Variants in CHST8 observed in about 807,000 individuals in gnomAD.
CHST8 encodes GALNAC-4-ST1.
A neutral mutation model predicts 15.0 loss-of-function variants in CHST8; 10 were observed. The observed-to-expected ratio is 0.67, with a 90% confidence interval of 0.41 to 1.13. The LOEUF (loss-of-function observed/expected upper bound fraction) is 1.13. CHST8 is among the 50% of genes most tolerant of loss of function. CHST8 has a pLI of 0.00. For synonymous variants in CHST8, 259 were observed against 256.6 expected, an observed-to-expected ratio of 1.01 and a Z score of -0.09; for missense variants, 634 against 608.2, an observed-to-expected ratio of 1.04 and a Z score of -0.45.
chr19:33,738,769 T>C (rs1244027871), intron 3 of CHST8, among the ~76,000 whole-genome samples: 1 of 152,120 alleles, frequency 6.6e-6, no homozygotes, highest in Non-Finnish European at 1.5e-5. Context: ...TTTGTACTTT[T>C]AGTAGAGATG....
At chr19:33,710,319 T>G (rs1973523806) in intron 3 of CHST8, among the ~76,000 whole-genome samples, 1 of 152,246 alleles carries the variant, frequency 6.6e-6, no homozygotes, top group Non-Finnish European at 1.5e-5. Context: ...GTTGTTTTCC[T>G]GCTTTGTATT....
chr19:33,700,573 C>T (rs888873118), intron 3 of CHST8, among the ~76,000 whole-genome samples: 3 of 152,026 alleles, frequency 2.0e-5, no homozygotes, highest in African/African-American at 7.3e-5. Flanking sequence ...GCACCAGGCT[C>T]TCCGCTCAGG....
At position 33,661,079 on chromosome 19, in the gene CHST8, G is replaced by A. The variant is rs73926575; in HGVS notation, c.-163-6688G>A. Among the ~76,000 whole-genome samples the A allele has an allele frequency of 9.1e-3, 1,381 of 152,206 alleles. 14 individuals carry two copies. Among genetic ancestry groups the A allele is most frequent in the African/African-American group, 0.031 (1,296 of 41,506 alleles). On this transcript the variant is annotated intron_variant, in intron 1 of 4. Transcript: ENST00000650847. ...GGCACGGGGACTTGGTGCACTGACC[G>A]GCTTGTTGACATGCCCAGCACTGGG...
chr19:33,676,356 G>T (rs1011981116), intron 2 of CHST8, among the ~76,000 whole-genome samples: 1 of 152,152 alleles, frequency 6.6e-6, no homozygotes, highest in Non-Finnish European at 1.5e-5. Flanking sequence ...GATCGCTTGA[G>T]GCCAGCAGTT....
chr19:33,767,680 T>G (rs1974879366), intron 3 of CHST8, among the ~76,000 whole-genome samples: 1 of 152,222 alleles, frequency 6.6e-6, no homozygotes, highest in Non-Finnish European at 1.5e-5. Flanking sequence ...GGAGCTCCCT[T>G]ACAGATTGTG....
At chr19:33,749,327 T>C (rs1568354307) in intron 3 of CHST8, among the ~76,000 whole-genome samples, 1 of 152,150 alleles carries the variant, frequency 6.6e-6, no homozygotes, top group Admixed American at 6.5e-5. Context: ...CACAGCTTCA[T>C]CAGTGTCAAG....
chr19:33,661,767 A>G (rs1972587967), intron 1 of CHST8, among the ~76,000 whole-genome samples: 1 of 151,374 alleles, frequency 6.6e-6, no homozygotes, highest in South Asian at 2.1e-4. Context: ...ACGATGGCTC[A>G]TGCCTTTAAT....
intron 3 of CHST8, among the ~76,000 whole-genome samples, chr19:33,746,537 C>G (rs1974315785): frequency 6.6e-6 from 1 of 152,222 alleles, no homozygotes; most frequent in African/African-American, 2.4e-5. Context: ...TGGTGTTTTT[C>G]TTACAGGCAA....
intron 2 of CHST8, among the ~76,000 whole-genome samples, chr19:33,674,362 G>A (rs1387195726): frequency 6.6e-6 from 1 of 152,228 alleles, no homozygotes; most frequent in Admixed American, 6.5e-5. Flanking sequence ...TGGGGGAGGG[G>A]CTGGGTCCCA....
At chr19:33,688,890 GTTCCCAACTGGGC>G (rs1973038726) in intron 2 of CHST8, among the ~76,000 whole-genome samples, 2 of 152,242 alleles carry the variant, frequency 1.3e-5, no homozygotes, top group South Asian at 4.1e-4. Context: ...GGGCCTGGAG[GTTCCCAACTGGGC>G]TCCCCAAGGC....
intron 2 of CHST8, among the ~76,000 whole-genome samples, chr19:33,674,118 C>G (rs1444198722): frequency 6.6e-6 from 1 of 152,116 alleles, no homozygotes; most frequent in African/African-American, 2.4e-5. Flanking sequence ...CCAGGGGAGG[C>G]TAGGAGATTT....
chr19:33,727,660 C>T (rs1973926508), intron 3 of CHST8, among the ~76,000 whole-genome samples: 2 of 152,204 alleles, frequency 1.3e-5, no homozygotes, highest in Non-Finnish European at 2.9e-5. Flanking sequence ...CCTCCAGGCC[C>T]CCCGGAAGGA....
intron 1 of CHST8, among the ~76,000 whole-genome samples, chr19:33,634,396 C>G (rs748185138): frequency 1.3e-5 from 2 of 152,112 alleles, no homozygotes; most frequent in Non-Finnish European, 2.9e-5. Context: ...CCTTTCGTCC[C>G]CAAATTGTAG....
In CHST8 at chr19:33,772,043, G is replaced by A. The variant is rs760225293; in HGVS notation, c.255G>A (p.Arg85=). 6.2e-7 allele frequency: 1 copy of A among 1,612,256 alleles called. No homozygotes were observed. The change falls in exon 5 of 5, where the codon AGG becomes AGA. Residue 85 remains arginine, a synonymous_variant. Transcript: ENST00000650847. ...GGGACTTATCCAGTGGGGCCCCGAG[G>A]GGCCGCAACCTGCCAGCGCCTGACC... ...VTRDLSSGAP[R]GRNLPAPDQP... is the part of the protein sequence containing the mutation.
rs992888046 is a variant in CHST8, at chr19:33,641,418, C to G, written c.-164+19122C>G. 2.0e-5 allele frequency among the ~76,000 whole-genome samples: 3 copies of G among 152,324 alleles called. No homozygotes were observed. In the East Asian group the frequency reaches 5.8e-4, roughly 29 times the overall value. On this transcript the variant is annotated intron_variant, in intron 1 of 4. Transcript: ENST00000650847. Reference sequence around the variant, plus strand: ...GCCTAGATCTCCGCCCCACCACCCCCTGGGCAGGGTTTGAGGAGCAGCAGG... The same window carrying G: ...GCCTAGATCTCCGCCCCACCACCCCGTGGGCAGGGTTTGAGGAGCAGCAGG...
intron 1 of CHST8, among the ~76,000 whole-genome samples, chr19:33,633,082 C>T (rs774325716): frequency 3.3e-5 from 5 of 152,120 alleles, no homozygotes; most frequent in Non-Finnish European, 5.9e-5. Flanking sequence ...CCACCCGCCT[C>T]GGTCTCCCAA....
rs199869737 is a variant in CHST8, at chr19:33,772,088, G to C, written c.300G>C (p.Gln100His). The C allele has an allele frequency of 1.2e-6, 2 of 1,612,326 alleles. No individual in the cohort carries two copies. The highest frequency in any genetic ancestry group is 1.7e-6 in the Non-Finnish European group (2 of 1,179,714). ...CTGACCAGCCTCAACCCCCGCTGCA[G>C]AGGGGAACCCGTCTGCGGCTCCGCC... ...PAPDQPQPPL[Q>H]RGTRLRLRQR... The change falls in exon 5 of 5, where the codon CAG (glutamine) becomes CAC (histidine). Residue 100 changes from glutamine (Q) to histidine (H), a missense_variant. Transcript: ENST00000650847.
intron 2 of CHST8, 107 bp downstream of exon 2, chr19:33,667,950 C>T (rs1972683551): frequency 6.6e-6 from 1 of 152,092 alleles, no homozygotes; most frequent in Admixed American, 6.6e-5. Context: ...AAAGAAAGCG[C>T]CGAAGACGTA....
chr19:33,624,939 C>A (rs1173445510), intron 1 of CHST8, among the ~76,000 whole-genome samples: 1 of 152,204 alleles, frequency 6.6e-6, no homozygotes, highest in Non-Finnish European at 1.5e-5. Context: ...TCTGAGATCC[C>A]TGTCTTAGCT....
Sources: allele counts gnomAD v4.1 joint callset (sites outside exome capture counted in the v4.1 genomes callset), GRCh38; gene constraint gnomAD v4.1.1; transcripts MANE v1.5; gene names NCBI Gene and HGNC (gene_info 2026-07-23, HGNC 2026-07-21).